PTPRM: variants seen among roughly 807,000 people sequenced by gnomAD.
PTPRM encodes the protein receptor-type tyrosine-protein phosphatase mu.
A neutral mutation model predicts 186.7 loss-of-function variants in PTPRM; 47 were observed. The ratio of observed to expected loss-of-function variants is 0.25; its 90% CI spans 0.20 to 0.32. The LOEUF is 0.32. PTPRM is among the 10% of genes least tolerant of loss of function. The pLI, the probability that PTPRM is intolerant of heterozygous loss-of-function variation, is 1.00. For missense variants in PTPRM, 1,494 were observed against 1,865.0 expected (o/e 0.80, Z 3.66); for synonymous variants, 668 against 674.9 (o/e 0.99, Z 0.16).
chr18:7,617,530 T>C (rs1296033332), intron 1 of PTPRM, among the ~76,000 whole-genome samples: 2 of 152,196 alleles, frequency 1.3e-5, no homozygotes, highest in African/African-American at 4.8e-5. Context: ...TTTATTGAAA[T>C]GAGTCAGATA....
intron 2 of PTPRM, among the ~76,000 whole-genome samples, chr18:7,820,961 G>A (rs1730402500): frequency 6.6e-6 from 1 of 152,146 alleles, no homozygotes; most frequent in Admixed American, 6.5e-5. Flanking sequence ...CCCAGCCCTG[G>A]TCAGCTGCCC....
At chr18:8,256,498 A>T (rs1317142451) in intron 19 of PTPRM, among the ~76,000 whole-genome samples, 1 of 152,206 alleles carries the variant, frequency 6.6e-6, no homozygotes, top group Non-Finnish European at 1.5e-5. Flanking sequence ...GAAGAAAAAA[A>T]ATACTAATGT....
intron 23 of PTPRM, among the ~76,000 whole-genome samples, chr18:8,355,403 G>A (rs930913691): frequency 1.3e-5 from 2 of 152,162 alleles, no homozygotes; most frequent in Non-Finnish European, 2.9e-5. Context: ...GGCAACCACA[G>A]GACCCTGGAG....
chr18:7,827,343 A>G (rs909457335), intron 2 of PTPRM, among the ~76,000 whole-genome samples: 6 of 152,140 alleles, frequency 3.9e-5, no homozygotes, highest in African/African-American at 1.4e-4. Context: ...TTCATTAAAG[A>G]TAGCTGAAGC....
At chr18:7,697,933 A>G (rs959093802) in intron 1 of PTPRM, among the ~76,000 whole-genome samples, 1 of 152,142 alleles carries the variant, frequency 6.6e-6, no homozygotes, top group Non-Finnish European at 1.5e-5. Context: ...CCAAGTGGTA[A>G]AAACTGAAAG....
intron 3 of PTPRM, among the ~76,000 whole-genome samples, chr18:7,888,894 A>G (rs1160627789): frequency 6.6e-6 from 1 of 152,226 alleles, no homozygotes; most frequent in Non-Finnish European, 1.5e-5. Flanking sequence ...GCATGTTTTT[A>G]CTTATAAGTA....
Position 8,311,910 on chromosome 18 carries a change from T to A in PTPRM, c.2843-2871T>A, listed in dbSNP as rs78203075. Among the ~76,000 whole-genome samples, 528 of 152,308 alleles carry A rather than the reference T, an allele frequency of 3.5e-3. 6 individuals carry two copies. The highest frequency in any genetic ancestry group is 0.011 in the African/African-American group (463 of 41,564). On this transcript the variant is annotated intron_variant, in intron 20 of 32. Transcript: ENST00000580170. ...CCCATGGGTGGTAAATCACAGGGAATGAGCAGCACTCATCCTGAGGAGCTC... is the reference window on the plus strand; with the variant it reads ...CCCATGGGTGGTAAATCACAGGGAAAGAGCAGCACTCATCCTGAGGAGCTC...
intron 1 of PTPRM, among the ~76,000 whole-genome samples, chr18:7,705,964 T>A (rs909834221): frequency 3.4e-5 from 5 of 147,794 alleles, no homozygotes; most frequent in South Asian, 2.1e-4. Flanking sequence ...TATATATATA[T>A]AAAAGGTAAC....
chr18:7,595,591 A>G (rs917956709), intron 1 of PTPRM, among the ~76,000 whole-genome samples: 4 of 152,226 alleles, frequency 2.6e-5, no homozygotes, highest in Non-Finnish European at 4.4e-5. Context: ...GAGGCCCAGC[A>G]TGTCAAATGC....
At chr18:8,048,746 A>T (rs2087250977) in intron 7 of PTPRM, among the ~76,000 whole-genome samples, 1 of 152,200 alleles carries the variant, frequency 6.6e-6, no homozygotes, top group South Asian at 2.1e-4. Context: ...TAAATACCAA[A>T]ATAGGAGGCT....
intron 1 of PTPRM, among the ~76,000 whole-genome samples, chr18:7,675,210 C>G (rs1175739871): frequency 6.6e-6 from 1 of 152,126 alleles, no homozygotes; most frequent in Non-Finnish European, 1.5e-5. Flanking sequence ...TGGCGGAGTC[C>G]TTAGATCAGA....
At chr18:7,713,448 G>T (rs1475345977) in intron 1 of PTPRM, among the ~76,000 whole-genome samples, 1 of 152,092 alleles carries the variant, frequency 6.6e-6, no homozygotes, top group Non-Finnish European at 1.5e-5. Context: ...ACACTATGAA[G>T]AAACTGCATC....
intron 7 of PTPRM, among the ~76,000 whole-genome samples, chr18:8,005,319 A>G (rs1468443787): frequency 6.6e-6 from 1 of 152,138 alleles, no homozygotes; most frequent in East Asian, 1.9e-4. Flanking sequence ...ATCTTCACAT[A>G]TTACCTCTTG....
chr18:7,842,930 G>GTGTGTGTATATATATA (rs377182615), intron 2 of PTPRM, among the ~76,000 whole-genome samples: 23 of 100,928 alleles, frequency 2.3e-4, no homozygotes, highest in African/African-American at 1.0e-3. Context: ...GTGTGTGTGT[G>GTGTGTGTATATATATA]TATATATATA....
chr18:8,193,614 C>T (rs1186423286), intron 14 of PTPRM, among the ~76,000 whole-genome samples: 1 of 152,240 alleles, frequency 6.6e-6, no homozygotes, highest in Admixed American at 6.5e-5. Context: ...GCTTTGGTCA[C>T]CTGGGCCCAA....
chr18:7,810,287 A>C (rs1043096059), intron 2 of PTPRM, among the ~76,000 whole-genome samples: 1 of 152,096 alleles, frequency 6.6e-6, no homozygotes, highest in South Asian at 2.1e-4. Flanking sequence ...GACAAACTGA[A>C]TTTTCCCCTG....
intron 4 of PTPRM, among the ~76,000 whole-genome samples, chr18:7,921,741 GTT>G (rs2050880282): frequency 6.6e-6 from 1 of 150,466 alleles, no homozygotes; most frequent in South Asian, 2.1e-4. Flanking sequence ...GTTTTTTTTT[GTT>G]TGTTTGTTTC....
chr18:8,005,256 C>A (rs768914197), intron 7 of PTPRM, among the ~76,000 whole-genome samples: 2 of 152,148 alleles, frequency 1.3e-5, no homozygotes, highest in Non-Finnish European at 2.9e-5. Flanking sequence ...CAAAAAAATT[C>A]ATAAACCCTC....
chr18:7,691,770 CAACAAAAACA>C (rs1230235361), intron 1 of PTPRM, among the ~76,000 whole-genome samples: 2 of 151,656 alleles, frequency 1.3e-5, no homozygotes, highest in Non-Finnish European at 2.9e-5. Context: ...AAACAAAAAA[CAACAAAAACA>C]AAAAAACAAT....
Sources: gnomAD v4.1 joint callset for allele counts (sites outside exome capture counted in the v4.1 genomes callset) on GRCh38, gnomAD v4.1.1 for gene constraint, MANE v1.5 for transcripts, NCBI Gene and HGNC (gene_info 2026-07-23, HGNC 2026-07-21) for gene names.